The following MYRFL variants were observed in gnomAD, a reference collection of about 807,000 sequenced individuals.
The protein encoded by MYRFL is myelin regulatory factor like, also known as myelin regulatory factor-like protein.
Under a neutral mutation model 109.4 loss-of-function variants are expected in MYRFL, and 88 were observed. The ratio of observed to expected loss-of-function variants is 0.80; its 90% CI spans 0.68 to 0.96. MYRFL has a LOEUF of 0.96. Ranked by LOEUF, MYRFL falls within the 40% of genes least tolerant of loss-of-function variation. MYRFL has a pLI of 0.00. For synonymous variants in MYRFL, 324 were observed against 320.9 expected, an observed-to-expected ratio of 1.01 and a Z score of -0.10; for missense variants, 957 against 954.9, an observed-to-expected ratio of 1.00 and a Z score of -0.03.
intron 19 of MYRFL, among the ~76,000 whole-genome samples, chr12:69,951,208 G>C (rs373270571): frequency 3.3e-5 from 5 of 152,116 alleles, no homozygotes; most frequent in Admixed American, 3.3e-4. Flanking sequence ...CTTTGCCGTC[G>C]TAACAGAATA....
chr12:69,958,345 C>A (rs1225271996), intron 24 of MYRFL, 22 bp downstream of exon 24: 1 of 1,531,292 alleles, frequency 6.5e-7, no homozygotes, highest in Non-Finnish European at 8.7e-7. Context: ...TTTTCTTTTT[C>A]TTTTCAGTGA....
chr12:69,865,080 C>A (rs969113692), intron 2 of MYRFL, among the ~76,000 whole-genome samples: 2 of 152,274 alleles, frequency 1.3e-5, no homozygotes, highest in Admixed American at 6.5e-5. Context: ...GATACCATTC[C>A]TTGTCCATCA....
At position 69,863,239 on chromosome 12, in the gene MYRFL, TG is replaced by T. The variant is rs534032631; in HGVS notation, c.137+7871del. On this transcript the variant is annotated intron_variant, in intron 2 of 24. Coordinates refer to ENST00000552032, the MANE Select transcript of MYRFL (RefSeq NM_182530.3). Reference sequence around the variant, plus strand: ...TTTTGGTTGTGTCTCTGCCCGGCGTTGGTATCAGGATGATGCTGGCCTCATA... The same window carrying T: ...TTTTGGTTGTGTCTCTGCCCGGCGTTGTATCAGGATGATGCTGGCCTCATA... 1.2e-4 allele frequency among the ~76,000 whole-genome samples: 19 copies of T among 152,304 alleles called. No individual in the cohort carries two copies. In the South Asian group the frequency reaches 2.7e-3, roughly 22 times the overall value.
chr12:69,854,851 G>A (rs1884173611), intron 1 of MYRFL, among the ~76,000 whole-genome samples: 3 of 152,064 alleles, frequency 2.0e-5, no homozygotes, highest in African/African-American at 4.8e-5. Context: ...ATAGCGTCAT[G>A]TTATCTGCAA....
chr12:69,945,859 C>T (rs557238970), intron 19 of MYRFL, among the ~76,000 whole-genome samples: 4 of 147,778 alleles, frequency 2.7e-5, no homozygotes, highest in Non-Finnish European at 6.0e-5. Context: ...TAGTGGCGGG[C>T]GCCTGTAGTC....
chr12:69,851,937 C>A (rs1396902273), intron 1 of MYRFL, among the ~76,000 whole-genome samples: 2 of 152,228 alleles, frequency 1.3e-5, no homozygotes, highest in Non-Finnish European at 2.9e-5. Flanking sequence ...GCTGGGATTA[C>A]AGGCATGAGC....
At chr12:69,951,423 CTTTTTTTTTT>C (rs11310328) in intron 19 of MYRFL, among the ~76,000 whole-genome samples, 2 of 89,200 alleles carry the variant, frequency 2.2e-5, no homozygotes, top group South Asian at 7.8e-4. Context: ...TCCTAACCTG[CTTTTTTTTTT>C]TTTTTTTTTT....
At chr12:69,855,226 A>G (rs1278280830) in intron 1 of MYRFL, 54 bp from the exon 2 acceptor site, 8 of 687,622 alleles carry the variant, frequency 1.2e-5, no homozygotes, top group South Asian at 6.2e-5. Context: ...GTTTTTAGCC[A>G]TTGGCCATAC....
At chr12:69,950,476 G>A (rs986231568) in intron 19 of MYRFL, among the ~76,000 whole-genome samples, 1 of 152,088 alleles carries the variant, frequency 6.6e-6, no homozygotes, top group Non-Finnish European at 1.5e-5. Context: ...GTGTCCAAAT[G>A]TTATATTTTT....
intron 10 of MYRFL, 96 bp downstream of exon 10, chr12:69,897,342 C>T (rs778635209): frequency 6.9e-6 from 6 of 873,068 alleles, no homozygotes; most frequent in East Asian, 2.7e-5. Context: ...TATGCTATTT[C>T]GATGATAATG....
At chr12:69,854,351 G>A (rs575957884) in intron 1 of MYRFL, among the ~76,000 whole-genome samples, 2 of 57,484 alleles carry the variant, frequency 3.5e-5, no homozygotes, top group African/African-American at 1.3e-4. Context: ...GAGGGGGAGG[G>A]AGAGGGAGAG....
intron 13 of MYRFL, among the ~76,000 whole-genome samples, chr12:69,915,539 C>CA (rs971440576): frequency 1.3e-5 from 2 of 152,130 alleles, no homozygotes; most frequent in Non-Finnish European, 2.9e-5. Context: ...TGCAAGCAAC[C>CA]AAAGGGGGTG....
intron 10 of MYRFL, 37 bp from the exon 11 acceptor site, chr12:69,903,607 G>C: frequency 1.3e-6 from 2 of 1,527,690 alleles, no homozygotes; most frequent in South Asian, 1.2e-5. Context: ...TCCTGCTACT[G>C]TTACTTTAAT....
intron 21 of MYRFL, 60 bp from the exon 22 acceptor site, chr12:69,955,303 G>T: frequency 8.8e-6 from 5 of 571,214 alleles, no homozygotes; most frequent in Non-Finnish European, 1.5e-5. Flanking sequence ...GTAGCAAAAA[G>T]GCCTTCGAAG....
chr12:69,936,106 T>TAAAA lies in MYRFL; in HGVS notation c.1917-7_1917-6insAAAA. On this transcript the variant is annotated splice_region_variant and splice_polypyrimidine_tract_variant and intron_variant, in intron 16 of 24. Transcript: ENST00000552032. ...TTTTTTTTTTTTTTTTTTTTTTTTT[T>TAAAA]TGACAGTGCTTTGACGATAGTTGCC... 3 of 1,049,516 alleles carry TAAAA rather than the reference T, an allele frequency of 2.9e-6. No individual in the cohort carries two copies. The highest frequency in any genetic ancestry group is 3.9e-6 in the Non-Finnish European group (3 of 764,602). The allele number at this position is 1,049,516 out of a possible 1,614,324, so 65.0% of individuals were successfully genotyped here. A position where few individuals can be genotyped will look rare whatever the true frequency, so the allele number is the denominator to read the frequency against.
intron 9 of MYRFL, among the ~76,000 whole-genome samples, chr12:69,896,677 T>A (rs1954004396): frequency 6.6e-6 from 1 of 152,152 alleles, no homozygotes; most frequent in Non-Finnish European, 1.5e-5. Context: ...GGATCCAGTG[T>A]GGTGGGGCAG....
At chr12:69,928,319 G>A (rs1295403748) in intron 15 of MYRFL, among the ~76,000 whole-genome samples, 10 of 152,198 alleles carry the variant, frequency 6.6e-5, no homozygotes, top group African/African-American at 2.2e-4. Flanking sequence ...TCTCCATCAC[G>A]AGAAATATCA....
chr12:69,898,104 A>G (rs1954060480), intron 10 of MYRFL, among the ~76,000 whole-genome samples: 1 of 152,174 alleles, frequency 6.6e-6, no homozygotes, highest in Admixed American at 6.5e-5. Context: ...TCCAATAGAG[A>G]ACAATGTTCA....
chr12:69,884,829 T>C (rs1437903497), intron 5 of MYRFL, among the ~76,000 whole-genome samples: 1 of 152,228 alleles, frequency 6.6e-6, no homozygotes, highest in East Asian at 1.9e-4. Flanking sequence ...TTTACAGTCA[T>C]GGCCTCATTG....
Sources: gnomAD v4.1 joint callset for allele counts (sites outside exome capture counted in the v4.1 genomes callset) on GRCh38, gnomAD v4.1.1 for gene constraint, MANE v1.5 for transcripts, NCBI Gene and HGNC (gene_info 2026-07-23, HGNC 2026-07-21) for gene names.